The following SLC7A7 variants were observed in gnomAD, a reference collection of about 807,000 sequenced individuals.
SLC7A7 encodes the protein Y+L amino acid transporter 1.
In SLC7A7, 39 loss-of-function variants were observed where a neutral mutation model predicts 47.9. That is an observed-to-expected ratio of 0.81 (90% CI 0.63 to 1.06). SLC7A7 has a LOEUF of 1.06. SLC7A7 is among the 50% of genes least tolerant of loss of function. The pLI is 0.00. For synonymous variants in SLC7A7, 234 were observed against 242.8 expected (o/e 0.96, Z 0.34); for missense variants, 588 against 632.0 (o/e 0.93, Z 0.75).
At chr14:22,780,200 G>A (rs1594949817) in intron 2 of SLC7A7, 149 bp from the exon 3 acceptor site, 2 of 639,376 alleles carry the variant, frequency 3.1e-6, no homozygotes, top group Non-Finnish European at 4.4e-6. Context: ...TGGAACCCTC[G>A]GGGCCCCAGA....
chr14:22,807,595 C>T (rs1398119793), intron 2 of SLC7A7, among the ~76,000 whole-genome samples: 1 of 152,016 alleles, frequency 6.6e-6, no homozygotes, highest in Non-Finnish European at 1.5e-5. Context: ...ACAATAGCTT[C>T]CCCTTATCTT....
At chr14:22,786,713 C>A (rs1423136671) in intron 2 of SLC7A7, among the ~76,000 whole-genome samples, 1 of 152,132 alleles carries the variant, frequency 6.6e-6, no homozygotes, top group African/African-American at 2.4e-5. Flanking sequence ...GTTGGAGGAT[C>A]GCTTGAGTCC....
At chr14:22,808,092 T>C in intron 2 of SLC7A7, among the ~76,000 whole-genome samples, 1 of 151,070 alleles carries the variant, frequency 6.6e-6, no homozygotes. Flanking sequence ...ACTTGGGACA[T>C]GGAGGTTGCG....
chr14:22,811,367 C>G (rs7144493), intron 2 of SLC7A7, among the ~76,000 whole-genome samples: 81,152 of 151,972 alleles, frequency 0.53, 21,947 homozygotes, highest in East Asian at 0.8. Context: ...TGGAAGGCAT[C>G]TCTAAGGTCC....
intron 2 of SLC7A7, among the ~76,000 whole-genome samples, chr14:22,795,393 T>G (rs3932494): frequency 0.88 from 86,151 of 97,954 alleles, 37,540 homozygotes; most frequent in South Asian, 0.95. Context: ...TTGCTTTCTT[T>G]CTTTCTTTCT....
intron 4 of SLC7A7, among the ~76,000 whole-genome samples, chr14:22,777,142 TAAAAAAA>T (rs35326556): frequency 3.1e-5 from 2 of 64,144 alleles, no homozygotes; most frequent in Non-Finnish European, 2.8e-5. Flanking sequence ...AGACCCTGTC[TAAAAAAA>T]AAAAAAAAAA....
intron 2 of SLC7A7, among the ~76,000 whole-genome samples, chr14:22,785,006 C>T (rs57794001): frequency 0.11 from 16,670 of 152,168 alleles, 1,285 homozygotes; most frequent in East Asian, 0.29. Context: ...GAGCCAGGCG[C>T]GGTGGTTCGC....
chr14:22,786,106 G>A (rs2038811908), intron 2 of SLC7A7, among the ~76,000 whole-genome samples: 1 of 151,670 alleles, frequency 6.6e-6, no homozygotes, highest in Non-Finnish European at 1.5e-5. Flanking sequence ...GGATCACGAG[G>A]TCAGGAAATT....
At position 22,774,043 on chromosome 14, in the gene SLC7A7, G is replaced by A; in HGVS notation, c.1319C>T (p.Thr440Ile). ...FLVAVPLYSD[T>I]INSLIGIAIA... ...GGCAATGCCGATGAGGGAGTTGATA[G>A]TATCACTGTAAAGTGGAACAGCCAC... The change falls in exon 9 of 10, where the codon ACT becomes ATT. Residue 440 changes from threonine (T) to isoleucine (I), a missense_variant. Thr to Ile is a moderately conservative substitution (Grantham distance 89). Coordinates refer to ENST00000674313, the MANE Select transcript of SLC7A7 (RefSeq NM_003982.4). 6.2e-7 allele frequency: 1 copy of A among 1,614,180 alleles called. No homozygotes were observed. The highest frequency in any genetic ancestry group is 8.5e-7 in the Non-Finnish European group (1 of 1,180,030).
rs869031856 is a variant in SLC7A7, at chr14:22,783,404, CT to C, written c.500-3354del. ...TTTAATCCCTATTGCTTCTCTACTT[CT>C]TTTTTTTTTTTTTTCGAGACAGTCT... On this transcript the variant is annotated intron_variant, in intron 2 of 9. Transcript: ENST00000674313. Among the ~76,000 whole-genome samples the C allele has an allele frequency of 1.6e-3, 222 of 137,210 alleles. 2 individuals carry two copies. Among genetic ancestry groups the C allele is most frequent in the East Asian group, 9.1e-3 (43 of 4,736 alleles). The allele number at this position is 137,210 out of a possible 152,430, so 90.0% of individuals were successfully genotyped here.
At chr14:22,809,900 G>A (rs936133893) in intron 2 of SLC7A7, among the ~76,000 whole-genome samples, 1 of 151,940 alleles carries the variant, frequency 6.6e-6, no homozygotes, top group African/African-American at 2.4e-5. Flanking sequence ...TTAGCTTGGC[G>A]TGGTGGCGGG....
At chr14:22,790,868 T>G (rs1047812762) in intron 2 of SLC7A7, among the ~76,000 whole-genome samples, 1 of 151,906 alleles carries the variant, frequency 6.6e-6, no homozygotes, top group African/African-American at 2.4e-5. Flanking sequence ...TGTGGTGGTG[T>G]GCGCCTGTAG....
At position 22,792,829 on chromosome 14, in the gene SLC7A7, G is replaced by A. The variant is rs113006180; in HGVS notation, c.500-12778C>T. ...GCCGAGATTGCACCACTGCACTCCA[G>A]CCTGGATGATAGTGTGAGGCCCCGT... On this transcript the variant is annotated intron_variant, in intron 2 of 9. Transcript: ENST00000674313. Among the ~76,000 whole-genome samples, 1,233 of 144,250 alleles carry A rather than the reference G, an allele frequency of 8.5e-3. 25 individuals carry two copies. Among genetic ancestry groups the A allele is most frequent in the African/African-American group, 0.03 (1,173 of 39,706 alleles). The allele number at this position is 144,250 out of a possible 152,430, so 94.6% of individuals were successfully genotyped here.
chr14:22,779,888 C>T, intron 3 of SLC7A7, 38 bp downstream of exon 3: 1 of 1,604,776 alleles, frequency 6.2e-7, no homozygotes, highest in Non-Finnish European at 8.5e-7. Flanking sequence ...ACAGAAAATG[C>T]TTAAAAAAGA....
chr14:22,801,188 G>A (rs976758595), intron 2 of SLC7A7, among the ~76,000 whole-genome samples: 3 of 152,018 alleles, frequency 2.0e-5, no homozygotes, highest in Non-Finnish European at 4.4e-5. Context: ...AACAACCTAT[G>A]CCTTGACTCT....
chr14:22,780,473 G>A (rs1032519726), intron 2 of SLC7A7: 6 of 214,122 alleles, frequency 2.8e-5, no homozygotes, highest in Non-Finnish European at 5.7e-5. Flanking sequence ...TGGTATTACT[G>A]TTAACCTTGA....
Position 22,773,670 on chromosome 14 carries a change from T to C in SLC7A7, c.1476A>G (p.Ala492=), listed in dbSNP as rs1188919066. ...YLQVLCMSVA[A]EMDLEDGGEM... is the part of the protein sequence containing the mutation. Reference sequence around the variant, plus strand: ...CTCCTCCATCTTCCAAATCCATTTCTGCAGCAACTGACATACACAGGACCT... The same window carrying C: ...CTCCTCCATCTTCCAAATCCATTTCCGCAGCAACTGACATACACAGGACCT... Residue 492 remains alanine, a synonymous_variant, in exon 10 of 10, where the codon GCA becomes GCG. Coordinates refer to ENST00000674313, the MANE Select transcript of SLC7A7 (RefSeq NM_003982.4). 1 of 1,614,210 alleles carries C rather than the reference T, an allele frequency of 6.2e-7. No individual in the cohort carries two copies. Among genetic ancestry groups the C allele is most frequent in the Admixed American group, 1.7e-5 (1 of 60,014 alleles).
intron 7 of SLC7A7, 66 bp downstream of exon 7, chr14:22,775,378 C>A: frequency 8.1e-7 from 1 of 1,231,834 alleles, no homozygotes; most frequent in South Asian, 1.2e-5. Context: ...CTAGAACAGT[C>A]GCTTCTGCTG....
At chr14:22,778,757 A>G (rs781039740) in intron 4 of SLC7A7, 36 bp downstream of exon 4, 2 of 1,607,592 alleles carry the variant, frequency 1.2e-6, no homozygotes, top group South Asian at 2.2e-5. Context: ...AATGATGGCT[A>G]TCACTGCTAT....
Sources: gnomAD v4.1 joint callset for allele counts (sites outside exome capture counted in the v4.1 genomes callset) on GRCh38, gnomAD v4.1.1 for gene constraint, MANE v1.5 for transcripts, NCBI Gene and HGNC (gene_info 2026-07-23, HGNC 2026-07-21) for gene names.